Variants in LAMA2 observed in about 807,000 individuals in gnomAD.
LAMA2 encodes the protein laminin subunit alpha-2.
A neutral mutation model predicts 364.8 loss-of-function variants in LAMA2; 269 were observed. The observed-to-expected ratio is 0.74, with a 90% CI of 0.67 to 0.82. The LOEUF (loss-of-function observed/expected upper bound fraction) is 0.82, where lower values mean the gene tolerates loss of function less well. Ranked by LOEUF, LAMA2 falls within the 40% of genes least tolerant of loss-of-function variation. The probability of loss-of-function intolerance (pLI) is 0.00; values close to 1 mark genes in which losing one functional copy is unlikely to be tolerated. For synonymous variants in LAMA2, 1,379 were observed against 1,370.6 expected (o/e 1.01, Z -0.14); for missense variants, 3,807 against 3,873.2 (o/e 0.98, Z 0.45).
chr6:129,452,912 T>G, intron 45 of LAMA2, 76 bp from the exon 46 acceptor site: 1 of 1,276,254 alleles, frequency 7.8e-7, no homozygotes, highest in Non-Finnish European at 1.1e-6. Flanking sequence ...GATGATGGCT[T>G]TGTGGTTGTA....
At chr6:129,222,967 A>T (rs1783973132) in intron 12 of LAMA2, among the ~76,000 whole-genome samples, 1 of 152,154 alleles carries the variant, frequency 6.6e-6, no homozygotes, top group Non-Finnish European at 1.5e-5. Flanking sequence ...CAACAGTGTA[A>T]AAGTGTTCCT....
At position 129,050,103 on chromosome 6, in the gene LAMA2, G is replaced by A; in HGVS notation, c.283+15G>A. ...CAATCCAAACCGTATGTATTTTAGT[G>A]TGTAGGTGTGTGGCGCTGGGTAGGA... is the stretch of plus-strand genomic sequence containing the variant. On this transcript the variant is annotated intron_variant, in intron 2 of 64. Transcript: ENST00000421865. 1 of 1,613,866 alleles carries A rather than the reference G, an allele frequency of 6.2e-7. No individual in the cohort carries two copies. Among genetic ancestry groups the A allele is most frequent in the Non-Finnish European group, 8.5e-7 (1 of 1,179,756 alleles).
intron 5 of LAMA2, among the ~76,000 whole-genome samples, chr6:129,146,523 G>A (rs1441970904): frequency 6.6e-6 from 1 of 151,904 alleles, no homozygotes; most frequent in African/African-American, 2.4e-5. Flanking sequence ...GATTTTGTTG[G>A]TTCTTTTCAA....
At chr6:128,943,555 T>C (rs769079667) in intron 1 of LAMA2, among the ~76,000 whole-genome samples, 95 of 152,090 alleles carry the variant, frequency 6.2e-4, no homozygotes, top group Non-Finnish European at 1.3e-4. Context: ...GGCTTCTCAA[T>C]ATGCTGAAAT....
chr6:129,459,063 C>T (rs1783112591), intron 48 of LAMA2, among the ~76,000 whole-genome samples: 1 of 151,884 alleles, frequency 6.6e-6, no homozygotes, highest in Non-Finnish European at 1.5e-5. Context: ...TAGGCAATTT[C>T]CTCAATGTGC....
At chr6:128,993,211 ATAAT>A (rs2114664250) in intron 1 of LAMA2, among the ~76,000 whole-genome samples, 1 of 152,364 alleles carries the variant, frequency 6.6e-6, no homozygotes, top group East Asian at 1.9e-4. Context: ...TCAAAAGAAA[ATAAT>A]TAAGCATTCT....
intron 2 of LAMA2, among the ~76,000 whole-genome samples, chr6:129,051,039 G>T (rs1787963295): frequency 6.6e-6 from 1 of 151,978 alleles, no homozygotes; most frequent in Non-Finnish European, 1.5e-5. Flanking sequence ...TAAATTCAGT[G>T]CTAAAATAAC....
At chr6:129,116,084 A>G (rs944812073) in intron 4 of LAMA2, among the ~76,000 whole-genome samples, 5 of 152,144 alleles carry the variant, frequency 3.3e-5, no homozygotes, top group Admixed American at 2.6e-4. Context: ...GAGTGGAGGA[A>G]AAGGAAGAAA....
At chr6:129,475,782 C>T (rs941683899) in intron 53 of LAMA2, among the ~76,000 whole-genome samples, 8 of 152,034 alleles carry the variant, frequency 5.3e-5, no homozygotes, top group Admixed American at 2.0e-4. Context: ...AGTTGAACCC[C>T]GGGCCCTGGC....
chr6:128,975,970 G>A (rs966529955), intron 1 of LAMA2, among the ~76,000 whole-genome samples: 2 of 152,194 alleles, frequency 1.3e-5, no homozygotes, highest in African/African-American at 4.8e-5. Flanking sequence ...AACGCTTTGT[G>A]AGCCTTGTTA....
At chr6:128,918,793 AT>A (rs1366964465) in intron 1 of LAMA2, among the ~76,000 whole-genome samples, 12 of 152,208 alleles carry the variant, frequency 7.9e-5, no homozygotes, top group African/African-American at 2.6e-4. Context: ...CAATCCAGTA[AT>A]TTTTCAGTTA....
intron 18 of LAMA2, among the ~76,000 whole-genome samples, chr6:129,285,590 G>T (rs1189727557): frequency 6.6e-6 from 1 of 152,114 alleles, no homozygotes; most frequent in African/African-American, 2.4e-5. Context: ...TTCGTTTGCT[G>T]TGATAATGAT....
chr6:129,340,645 G>A (rs570454974), intron 29 of LAMA2, among the ~76,000 whole-genome samples: 2 of 151,974 alleles, frequency 1.3e-5, no homozygotes, highest in African/African-American at 4.8e-5. Context: ...AGACCAGCCT[G>A]GCCAACATGG....
chr6:129,421,848 T>G (rs762188078), intron 40 of LAMA2, among the ~76,000 whole-genome samples: 28 of 152,112 alleles, frequency 1.8e-4, no homozygotes, highest in Non-Finnish European at 3.5e-4. Flanking sequence ...GGTGCTTGCA[T>G]GAGGTGACTA....
rs148202453 is a variant in LAMA2 at position 129,262,933 on chromosome 6, T to G, written c.2208+2111T>G. ...ACTTCATTTGGGGCCATAGTGTTGA[T>G]TCAGGATCTTTTTTCTCATTTCTAC... On this transcript the variant is annotated intron_variant, in intron 15 of 64. Transcript: ENST00000421865. 6.6e-5 allele frequency among the ~76,000 whole-genome samples: 10 copies of G among 152,302 alleles called. 1 individual carries two copies. In the East Asian group the frequency reaches 1.9e-3, roughly 29 times the overall value.
intron 14 of LAMA2, among the ~76,000 whole-genome samples, chr6:129,255,978 A>G (rs776845574): frequency 1.3e-5 from 2 of 152,162 alleles, no homozygotes; most frequent in Non-Finnish European, 2.9e-5. Context: ...ATGCTATTCC[A>G]TAAGTGTTGG....
At chr6:129,261,824 A>G (rs1319890135) in intron 15 of LAMA2, among the ~76,000 whole-genome samples, 1 of 152,160 alleles carries the variant, frequency 6.6e-6, no homozygotes, top group African/African-American at 2.4e-5. Context: ...AAAACTAGAT[A>G]TAACTTATAG....
chr6:129,127,426 T>C (rs1777182942), intron 4 of LAMA2, among the ~76,000 whole-genome samples: 1 of 152,362 alleles, frequency 6.6e-6, no homozygotes, highest in Non-Finnish European at 1.5e-5. Context: ...CATTCATCTG[T>C]TGATGGACAG....
intron 1 of LAMA2, chr6:128,929,368 A>G (rs942896372): frequency 6.8e-6 from 7 of 1,032,170 alleles, no homozygotes; most frequent in African/African-American, 3.2e-5. Flanking sequence ...GAGAGAATAC[A>G]AAGAAGTTCA....
Sources: allele counts gnomAD v4.1 joint callset (sites outside exome capture counted in the v4.1 genomes callset), GRCh38; gene constraint gnomAD v4.1.1; transcripts MANE v1.5; gene names NCBI Gene and HGNC (gene_info 2026-07-23, HGNC 2026-07-21).